Variants in BRWD3 observed in about 807,000 individuals in gnomAD.
BRWD3 encodes the protein bromodomain and WD repeat-containing protein 3.
Under a neutral mutation model 149.7 loss-of-function variants are expected in BRWD3, and 10 were observed. The observed-to-expected ratio is 0.07, with a 90% confidence interval of 0.04 to 0.11. The LOEUF (loss-of-function observed/expected upper bound fraction) is 0.11. BRWD3 is among the 10% of genes least tolerant of loss of function. BRWD3 has a pLI of 1.00. For synonymous variants in BRWD3, 504 were observed against 456.7 expected, an observed-to-expected ratio of 1.10 and a Z score of -1.32; for missense variants, 940 against 1,373.2, an observed-to-expected ratio of 0.68 and a Z score of 4.99.
Position 80,691,776 on chromosome X carries a change from T to G in BRWD3, c.3481+47A>C, listed in dbSNP as rs773812415. ...TAGAACTTAAAACTTCTGCTGATTT[T>G]CCTAGCTCTCTTGCATGCTCCTAAA... On this transcript the variant is annotated intron_variant, in intron 30 of 40. Transcript: ENST00000373275. 13 of 1,200,804 alleles carry G rather than the reference T, an allele frequency of 1.1e-5. No individual in the cohort carries two copies. In the Admixed American group the frequency reaches 2.8e-4, roughly 26 times the overall value.
At chrX:80,713,292 G>A (rs1447436674) in intron 20 of BRWD3, among the ~76,000 whole-genome samples, 1 of 111,967 alleles carries the variant, frequency 8.9e-6, no homozygotes, top group Non-Finnish European at 1.9e-5. Context: ...GATGGTTGCT[G>A]TGTCTGTGTA....
Position 80,736,091 on chromosome X carries a change from T to TAAA in BRWD3, c.814-6_814-4dup. The TAAA allele has an allele frequency of 4.4e-6, 4 of 917,751 alleles. No individual in the cohort carries two copies. Among genetic ancestry groups the TAAA allele is most frequent in the Non-Finnish European group, 5.9e-6 (4 of 673,118 alleles). 75.6% of individuals were successfully genotyped at this position (917,751 alleles called of 1,213,427 possible). ...GTGCCTTTAGTTGATGGACAAAACT[T>TAAA]AAAAAAAAAAAAATCTGATTCAAAT... On this transcript the variant is annotated splice_polypyrimidine_tract_variant and splice_region_variant and intron_variant, in intron 8 of 40. Coordinates refer to ENST00000373275, the MANE Select transcript of BRWD3 (RefSeq NM_153252.5).
chrX:80,725,993 CA>C (rs2073226510), intron 14 of BRWD3, among the ~76,000 whole-genome samples: 1 of 96,463 alleles, frequency 1.0e-5, no homozygotes, highest in Non-Finnish European at 2.1e-5. Context: ...GTCTATATAA[CA>C]TAACATGTTT....
At chrX:80,677,538 T>A (rs1472430591) in intron 40 of BRWD3, among the ~76,000 whole-genome samples, 175 bp from the exon 41 acceptor site, 1 of 111,908 alleles carries the variant, frequency 8.9e-6, no homozygotes, top group African/African-American at 3.2e-5. Context: ...TATTTTTGTC[T>A]GCTTTTTTGG....
chrX:80,741,952 T>G (rs2073517317), intron 8 of BRWD3, among the ~76,000 whole-genome samples: 1 of 111,869 alleles, frequency 8.9e-6, no homozygotes, highest in Non-Finnish European at 1.9e-5. Flanking sequence ...TTGTTGCCAT[T>G]GCTTTTGGTG....
chrX:80,738,856 G>A (rs780835935), intron 8 of BRWD3, among the ~76,000 whole-genome samples: 2 of 111,779 alleles, frequency 1.8e-5, no homozygotes, highest in East Asian at 2.8e-4. Flanking sequence ...GAGTGAAAAA[G>A]GCAAACAAAC....
chrX:80,700,159 A>G (rs1035111097), intron 24 of BRWD3, 95 bp from the exon 25 acceptor site: 35 of 633,337 alleles, frequency 5.5e-5, no homozygotes, highest in Non-Finnish European at 8.4e-5. Flanking sequence ...CTGTTTGCAG[A>G]AAGAAATAAT....
At chrX:80,722,094 C>T (rs985307268) in intron 17 of BRWD3, among the ~76,000 whole-genome samples, 3 of 112,045 alleles carry the variant, frequency 2.7e-5, no homozygotes, top group African/African-American at 6.5e-5. Context: ...GTAATCCACC[C>T]GCCTTGGCCT....
chrX:80,745,479 C>A (rs2073579667), intron 7 of BRWD3, 90 bp downstream of exon 7: 1 of 897,856 alleles, frequency 1.1e-6, no homozygotes, highest in East Asian at 3.4e-5. Flanking sequence ...AAAAAGTGAA[C>A]TGCTTACAAA....
chrX:80,757,391 T>C (rs2073754476), intron 6 of BRWD3, among the ~76,000 whole-genome samples: 2 of 112,361 alleles, frequency 1.8e-5, no homozygotes, highest in Non-Finnish European at 3.8e-5. Context: ...ACAATACTTA[T>C]GACTCCTTTA....
At chrX:80,804,718 G>T (rs1396214560) in intron 4 of BRWD3, among the ~76,000 whole-genome samples, 5 of 112,059 alleles carry the variant, frequency 4.5e-5, no homozygotes, top group African/African-American at 1.6e-4. Context: ...CAAGGAGGAA[G>T]CAATAAATTA....
At position 80,696,624 on chromosome X, in the gene BRWD3, C is replaced by A. The variant is rs780664489; in HGVS notation, c.3068+115G>T. On this transcript the variant is annotated intron_variant, in intron 26 of 40. Transcript: ENST00000373275. ...AAACTCTGGTCTTTATAATTCTAAA[C>A]CCTGTAGTAAAGAATGCTATAGTGT... is the stretch of plus-strand genomic sequence containing the variant. The A allele has an allele frequency of 1.3e-5, 11 of 851,405 alleles. No individual in the cohort carries two copies. The South Asian group carries it at 2.3e-4, about 18-fold the overall frequency. The allele number at this position is 851,405 out of a possible 1,213,427, so 70.2% of individuals were successfully genotyped here. A position where few individuals can be genotyped will look rare whatever the true frequency, so the allele number is the denominator to read the frequency against.
At position 80,751,926 on chromosome X, in the gene BRWD3, CTTGA is replaced by C. The variant is rs1245628254; in HGVS notation, c.431-6201_431-6198del. ...TCATTTTTTTTATGGCTGAATAGTA[CTTGA>C]TTATGTATATATAGCACATTTTCCT... is the stretch of plus-strand genomic sequence containing the variant. On this transcript the variant is annotated intron_variant, in intron 6 of 40. Coordinates refer to ENST00000373275, the MANE Select transcript of BRWD3 (RefSeq NM_153252.5). Among the ~76,000 whole-genome samples the C allele has an allele frequency of 2.7e-5, 3 of 109,166 alleles. No homozygotes were observed. In the East Asian group the frequency reaches 8.5e-4, roughly 31 times the overall value. The allele number at this position is 109,166 out of a possible 115,157, so 94.8% of individuals were successfully genotyped here.
chrX:80,774,987 A>G (rs977763775), intron 6 of BRWD3, among the ~76,000 whole-genome samples: 9 of 112,178 alleles, frequency 8.0e-5, no homozygotes, highest in African/African-American at 2.3e-4. Context: ...AAAACATCCA[A>G]TGATTCCTCA....
intron 7 of BRWD3, among the ~76,000 whole-genome samples, chrX:80,745,334 GGTC>G (rs2073577309): frequency 9.0e-6 from 1 of 111,079 alleles, no homozygotes; most frequent in Non-Finnish European, 1.9e-5. Flanking sequence ...TAGAATATAA[GGTC>G]TTCTGAAGAT....
At chrX:80,708,985 T>C (rs2072915867) in intron 21 of BRWD3, among the ~76,000 whole-genome samples, 1 of 111,953 alleles carries the variant, frequency 8.9e-6, no homozygotes, top group Non-Finnish European at 1.9e-5. Flanking sequence ...TTCATTACCA[T>C]GAAAAAGGTA....
chrX:80,710,440 A>G, intron 20 of BRWD3: 1 of 345,454 alleles, frequency 2.9e-6, no homozygotes, highest in East Asian at 6.4e-5. Flanking sequence ...GGAGAGACAT[A>G]TGTCTAAATT....
At chrX:80,808,926 C>T in intron 3 of BRWD3, 87 bp downstream of exon 3, 1 of 1,037,187 alleles carries the variant, frequency 9.6e-7, no homozygotes, top group Non-Finnish European at 1.3e-6. Flanking sequence ...AAGCCTCTAT[C>T]CCAGCCCGTC....
At chrX:80,784,295 T>C (rs2074086114) in intron 6 of BRWD3, among the ~76,000 whole-genome samples, 1 of 111,929 alleles carries the variant, frequency 8.9e-6, no homozygotes, top group South Asian at 3.7e-4. Context: ...TTATAAAAAC[T>C]GTTTAGATTA....
Sources: allele counts gnomAD v4.1 joint callset (sites outside exome capture counted in the v4.1 genomes callset), GRCh38; gene constraint gnomAD v4.1.1; transcripts MANE v1.5; gene names NCBI Gene and HGNC (gene_info 2026-07-23, HGNC 2026-07-21).